The following CYB561A3 variants were observed in gnomAD, a reference collection of about 807,000 sequenced individuals.
CYB561A3 encodes cytochrome b561 family member A3, also known as lysosomal membrane ascorbate-dependent ferrireductase CYB561A3.
Under a neutral mutation model 25.3 loss-of-function variants are expected in CYB561A3, and 16 were observed. That is an observed-to-expected ratio of 0.63 (90% CI 0.43 to 0.96). The LOEUF (loss-of-function observed/expected upper bound fraction) is 0.96. Ranked by LOEUF, CYB561A3 falls within the 40% of genes least tolerant of loss-of-function variation. The pLI, the probability that CYB561A3 is intolerant of heterozygous loss-of-function variation, is 0.00. For missense variants in CYB561A3, 219 were observed against 307.5 expected (o/e 0.71, Z 2.15); for synonymous variants, 131 against 129.9 (o/e 1.01, Z -0.06).
At chr11:61,354,774 C>A (rs989400445) in intron 3 of CYB561A3, 1 of 152,046 alleles carries the variant, frequency 6.6e-6, no homozygotes, top group Non-Finnish European at 1.5e-5. Context: ...TGAATTGTCA[C>A]AAGTGAGGCT....
At chr11:61,351,259 G>A in intron 5 of CYB561A3, 112 bp from the exon 6 acceptor site, 1 of 751,620 alleles carries the variant, frequency 1.3e-6, no homozygotes, top group Non-Finnish European at 2.0e-6. Context: ...GGGTCCATAT[G>A]TGATCTAGAA....
chr11:61,359,597 C>G (rs965331647), intron 1 of CYB561A3: 5 of 152,156 alleles, frequency 3.3e-5, no homozygotes, highest in Non-Finnish European at 7.3e-5. Context: ...GTTTACTGCT[C>G]TGTGACAGAC....
chr11:61,349,789 C>T lies in CYB561A3; in HGVS notation c.*610G>A, dbSNP rs997064234. ...CTGCAATCACCCCATGATGTCTCCA[C>T]CCCACCTCACATCCAGATGGGGCTG... On this transcript the variant is annotated 3_prime_UTR_variant, in exon 7 of 7. Transcript: ENST00000294072. The T allele has an allele frequency of 1.1e-4, 68 of 627,306 alleles. 1 individual carries two copies. Among genetic ancestry groups the T allele is most frequent in the African/African-American group, 1.1e-3 (59 of 55,682 alleles). The allele number at this position is 627,306 out of a possible 1,614,324, so 38.9% of individuals were successfully genotyped here. A position where few individuals can be genotyped will look rare whatever the true frequency, so the allele number is the denominator to read the frequency against.
chr11:61,351,283 T>TA, intron 5 of CYB561A3, 136 bp from the exon 6 acceptor site: 301 of 748,886 alleles, frequency 4.0e-4, no homozygotes, highest in Non-Finnish European at 5.3e-4. Context: ...TAACACCCTT[T>TA]CTTTTTTTTT....
chr11:61,356,323 T>TAG, intron 3 of CYB561A3: 1 of 668,576 alleles, frequency 1.5e-6, no homozygotes, highest in Non-Finnish European at 2.4e-6. Flanking sequence ...ACTCCTGCCC[T>TAG]AGAGTATTTG....
In CYB561A3 at chr11:61,353,817, C is replaced by T. The variant is rs748733694; in HGVS notation, c.360G>A (p.Leu120=). 1 of 1,614,186 alleles carries T rather than the reference C, an allele frequency of 6.2e-7. No homozygotes were observed. The highest frequency in any genetic ancestry group is 8.5e-7 in the Non-Finnish European group (1 of 1,180,034). Residue 120 remains leucine (L), a synonymous_variant, in exon 4 of 7, where the codon CTG becomes CTA. Transcript: ENST00000294072. Reference sequence around the variant, plus strand: ...CGAAGAGGAAGACAGTGGTGATGCCCAGCCAGCTGTGAAGGGAGTAGAGGT... The same window carrying T: ...CGAAGAGGAAGACAGTGGTGATGCCTAGCCAGCTGTGAAGGGAGTAGAGGT... ...TANLYSLHSW[L]GITTVFLFAC... is the part of the protein sequence containing the mutation.
intron 3 of CYB561A3, among the ~76,000 whole-genome samples, chr11:61,355,461 C>A (rs1857614242): frequency 6.6e-6 from 1 of 151,726 alleles, no homozygotes; most frequent in Admixed American, 6.6e-5. Context: ...GGGTGGATCA[C>A]CTGAGGTCAG....
At chr11:61,355,933 CA>C (rs906949613) in intron 3 of CYB561A3, 15 of 148,836 alleles carry the variant, frequency 1.0e-4, no homozygotes, top group South Asian at 2.1e-4. Context: ...ACTAAAAATA[CA>C]AAAAAAAATT....
chr11:61,350,365 C>T lies in CYB561A3; in HGVS notation c.*34G>A. The stretch of plus-strand genomic sequence containing the variant: ...CTTCTGAGGGGAGCACAGGCTGCAC[C>T]ACCAGGAGCTCTTGGGAGCCCCTTC... On this transcript the variant is annotated 3_prime_UTR_variant, in exon 7 of 7. Transcript: ENST00000294072. The T allele has an allele frequency of 6.2e-7, 1 of 1,604,216 alleles. No homozygotes were observed. The highest frequency in any genetic ancestry group is 8.5e-7 in the Non-Finnish European group (1 of 1,176,000).
rs1399914985 is a variant in CYB561A3, at chr11:61,349,444, G to A, written c.*955C>T. On this transcript the variant is annotated 3_prime_UTR_variant, in exon 7 of 7. Transcript: ENST00000294072. ...AGAGCAAGGCCAGACCTGCCCAGCG[G>A]GAGGCAGGAAGGCCCTGATCCAGCA... 4.5e-6 allele frequency: 3 copies of A among 670,286 alleles called. No homozygotes were observed. In the Admixed American group the frequency reaches 6.1e-5, roughly 14 times the overall value. 41.5% of individuals were successfully genotyped at this position (670,286 alleles called of 1,614,324 possible).
At chr11:61,361,517 G>A (rs948411086) in intron 1 of CYB561A3, among the ~76,000 whole-genome samples, 1 of 152,160 alleles carries the variant, frequency 6.6e-6, no homozygotes, top group African/African-American at 2.4e-5. Context: ...GGTGAAAATT[G>A]GGGTGAGGAG....
Position 61,354,508 on chromosome 11 carries a change from G to A in CYB561A3, c.185-516C>T, listed in dbSNP as rs373396334. ...TAAAAAATATTATCCGGGCATGGTG[G>A]CACATGCCTGTTCTCTCAGCTACTT... On this transcript the variant is annotated intron_variant, in intron 3 of 6. Coordinates refer to ENST00000294072, the MANE Select transcript of CYB561A3 (RefSeq NM_153611.6). 1.4e-3 allele frequency: 232 copies of A among 164,478 alleles called. 6 individuals are homozygous for A. In the South Asian group the frequency reaches 0.035, roughly 25 times the overall value. 10.2% of individuals were successfully genotyped at this position (164,478 alleles called of 1,614,324 possible).
In CYB561A3 at chr11:61,350,384, C is replaced by T. The variant is rs763673265; in HGVS notation, c.*15G>A. On this transcript the variant is annotated 3_prime_UTR_variant, in exon 7 of 7. Transcript: ENST00000294072. ...CTGCACCACCAGGAGCTCTTGGGAG[C>T]CCCTTCCTGCTGCTTCACTCCCCAT... 1 of 1,607,868 alleles carries T rather than the reference C, an allele frequency of 6.2e-7. No individual in the cohort carries two copies.
intron 4 of CYB561A3, chr11:61,353,470 T>C (rs999739764): frequency 2.0e-5 from 13 of 651,614 alleles, no homozygotes; most frequent in African/African-American, 1.8e-5. Flanking sequence ...AGAATTCTTT[T>C]GGTTCACAGA....
rs889391868 is a variant in CYB561A3 at position 61,352,710 on chromosome 11, C to T, written c.548+275G>A. 4 of 919,516 alleles carry T rather than the reference C, an allele frequency of 4.4e-6. No homozygotes were observed. The African/African-American group carries it at 6.9e-5, about 16-fold the overall frequency. The allele number at this position is 919,516 out of a possible 1,614,324, so 57.0% of individuals were successfully genotyped here. A position where few individuals can be genotyped will look rare whatever the true frequency, so the allele number is the denominator to read the frequency against. On this transcript the variant is annotated intron_variant, in intron 5 of 6. Coordinates refer to ENST00000294072, the MANE Select transcript of CYB561A3 (RefSeq NM_153611.6). ...CAATGACAACAATACCAATCAATAC[C>T]AATGATGTAGGGTGGTTGACAGGAT...
chr11:61,360,725 C>A (rs1396437417), intron 1 of CYB561A3: 1 of 152,290 alleles, frequency 6.6e-6, no homozygotes, highest in Non-Finnish European at 1.5e-5. Flanking sequence ...CGCCTGTAAT[C>A]CCAGCACTTT....
At chr11:61,354,039 A>C in intron 3 of CYB561A3, 47 bp from the exon 4 acceptor site, 2 of 1,602,048 alleles carry the variant, frequency 1.2e-6, no homozygotes, top group Non-Finnish European at 1.7e-6. Flanking sequence ...CCTCGAGCTC[A>C]CCCAGACATC....
In CYB561A3 at chr11:61,351,062, G is replaced by T; in HGVS notation, c.634C>A (p.Leu212Met). 1 of 1,614,014 alleles carries T rather than the reference G, an allele frequency of 6.2e-7. No homozygotes were observed. The highest frequency in any genetic ancestry group is 8.5e-7 in the Non-Finnish European group (1 of 1,179,996). Residue 212 changes from leucine (L) to methionine (M), a missense_variant, in exon 6 of 7, where the codon CTG (leucine) becomes ATG (methionine). Leu to Met is a conservative substitution (Grantham distance 15). Transcript: ENST00000294072. ...GCCAGAAGGATGTAGAGCACCAGCA[G>T]CCCAAAGGCCACCACCAGCATCCCG... ...STGMLVVAFG[L>M]LVLYILLASS...
intron 3 of CYB561A3, chr11:61,356,152 T>C (rs1857646285): frequency 5.7e-6 from 1 of 175,472 alleles, no homozygotes; most frequent in Admixed American, 6.3e-5. Flanking sequence ...TCGCTACCTA[T>C]GTTTGCAAAT....
Sources: gnomAD v4.1 joint callset for allele counts (sites outside exome capture counted in the v4.1 genomes callset) on GRCh38, gnomAD v4.1.1 for gene constraint, MANE v1.5 for transcripts, NCBI Gene and HGNC (gene_info 2026-07-23, HGNC 2026-07-21) for gene names.